ALDH8A1: variants seen among roughly 807,000 people sequenced by gnomAD.
ALDH8A1 encodes the protein aldehyde dehydrogenase 8 family member A1.
In ALDH8A1, 39 loss-of-function variants were observed where a neutral mutation model predicts 43.3. The observed-to-expected ratio is 0.90, with a 90% CI of 0.70 to 1.18. The LOEUF (loss-of-function observed/expected upper bound fraction) is 1.18, where lower values mean the gene tolerates loss of function less well. ALDH8A1 is among the 50% of genes most tolerant of loss of function. ALDH8A1 has a pLI of 0.00. For missense variants in ALDH8A1, 605 were observed against 622.6 expected, an observed-to-expected ratio of 0.97 and a Z score of 0.30; for synonymous variants, 233 against 243.5, an observed-to-expected ratio of 0.96 and a Z score of 0.40.
rs567148087 is a variant in ALDH8A1, at chr6:134,928,909, T to G, written c.1011+145A>C. 5.3e-4 allele frequency: 415 copies of G among 781,318 alleles called. 2 individuals carry two copies. Among genetic ancestry groups the G allele is most frequent in the Non-Finnish European group, 7.5e-4 (379 of 502,758 alleles). The allele number at this position is 781,318 out of a possible 1,614,324, so 48.4% of individuals were successfully genotyped here. ...TCATATCCACAATGTTTAGACTCTG[T>G]GTCCACAATTTCTCCCAGGTTATAA... On this transcript the variant is annotated intron_variant, in intron 6 of 6. Transcript: ENST00000265605.
intron 4 of ALDH8A1, among the ~76,000 whole-genome samples, chr6:134,934,639 T>C (rs563042191): frequency 1.3e-5 from 2 of 152,184 alleles, no homozygotes; most frequent in Admixed American, 6.5e-5. Context: ...CCACCATGTA[T>C]ATAAACGCAT....
intron 3 of ALDH8A1, among the ~76,000 whole-genome samples, chr6:134,941,803 G>A (rs1049424602): frequency 4.0e-5 from 6 of 151,872 alleles, no homozygotes; most frequent in African/African-American, 1.5e-4. Context: ...GATTACAGGC[G>A]TGAGCCACTG....
intron 1 of ALDH8A1, among the ~76,000 whole-genome samples, chr6:134,948,242 G>T (rs1320491181): frequency 6.6e-6 from 1 of 152,144 alleles, no homozygotes; most frequent in African/African-American, 2.4e-5. Flanking sequence ...GGTTACCAGA[G>T]GCTGGGAAGG....
At chr6:134,942,976 A>G (rs1216300694) in intron 2 of ALDH8A1, among the ~76,000 whole-genome samples, 1 of 152,186 alleles carries the variant, frequency 6.6e-6, no homozygotes, top group Non-Finnish European at 1.5e-5. Flanking sequence ...TACACATGTA[A>G]TGTGTATTTC....
intron 5 of ALDH8A1, 49 bp downstream of exon 5, chr6:134,932,727 A>G: frequency 6.3e-7 from 1 of 1,593,596 alleles, no homozygotes; most frequent in Non-Finnish European, 8.6e-7. Flanking sequence ...AAACAGATCC[A>G]GCTTGACAGG....
intron 1 of ALDH8A1, among the ~76,000 whole-genome samples, chr6:134,947,853 A>T (rs540151521): frequency 1.5e-3 from 171 of 111,602 alleles, no homozygotes; most frequent in East Asian, 4.9e-3. Flanking sequence ...TCAAAAAAAA[A>T]AAAATAAAAA....
At chr6:134,928,409 AT>A (rs1291250528) in intron 6 of ALDH8A1, among the ~76,000 whole-genome samples, 1 of 152,234 alleles carries the variant, frequency 6.6e-6, no homozygotes, top group Non-Finnish European at 1.5e-5. Context: ...TGGCTGGCTG[AT>A]GGGGACAAGT....
At chr6:134,933,444 TAG>T (rs776324272) in intron 4 of ALDH8A1, among the ~76,000 whole-genome samples, 16 of 152,192 alleles carry the variant, frequency 1.1e-4, no homozygotes, top group South Asian at 4.2e-4. Context: ...AAACATTAAG[TAG>T]AGAGGTGTAT....
intron 4 of ALDH8A1, among the ~76,000 whole-genome samples, chr6:134,933,853 C>T (rs1272088207): frequency 1.3e-5 from 2 of 152,022 alleles, no homozygotes; most frequent in African/African-American, 4.8e-5. Context: ...GGATTACAGG[C>T]GTGCACCATT....
At chr6:134,947,821 A>G (rs1773979181) in intron 1 of ALDH8A1, among the ~76,000 whole-genome samples, 1 of 149,382 alleles carries the variant, frequency 6.7e-6, no homozygotes, top group Admixed American at 6.7e-5. Flanking sequence ...TGCAGCCATT[A>G]TGGAAAACGC....
At chr6:134,946,135 G>C (rs1331726572) in intron 1 of ALDH8A1, among the ~76,000 whole-genome samples, 1 of 152,196 alleles carries the variant, frequency 6.6e-6, no homozygotes, top group Non-Finnish European at 1.5e-5. Flanking sequence ...TTATAGCAGT[G>C]TTAGAACGAA....
chr6:134,927,531 A>T (rs1776905869), intron 6 of ALDH8A1, among the ~76,000 whole-genome samples: 1 of 152,158 alleles, frequency 6.6e-6, no homozygotes, highest in Non-Finnish European at 1.5e-5. Flanking sequence ...ACACACACAC[A>T]CAGAGAGAGA....
intron 4 of ALDH8A1, among the ~76,000 whole-genome samples, chr6:134,937,451 T>C (rs1383209863): frequency 6.6e-6 from 1 of 152,086 alleles, no homozygotes; most frequent in Non-Finnish European, 1.5e-5. Context: ...TTTCAGCCCA[T>C]GGAGGAAAGA....
Position 134,937,220 on chromosome 6 carries a change from T to G in ALDH8A1, c.592+2046A>C, listed in dbSNP as rs4646876. Among the ~76,000 whole-genome samples the G allele has an allele frequency of 3.0e-4, 45 of 152,340 alleles. No homozygotes were observed. In the East Asian group the frequency reaches 8.7e-3, roughly 29 times the overall value. On this transcript the variant is annotated intron_variant, in intron 4 of 6. Transcript: ENST00000265605. The stretch of plus-strand genomic sequence containing the variant: ...TTTTAAAGGAAGTTTATCTGTCAAG[T>G]CTGTTTAAATGCCCAGGACTAGAGG...
intron 1 of ALDH8A1, among the ~76,000 whole-genome samples, chr6:134,949,100 T>C (rs1455527549): frequency 6.6e-6 from 1 of 152,192 alleles, no homozygotes; most frequent in African/African-American, 2.4e-5. Flanking sequence ...TATATATTTT[T>C]ATAGGAAGAC....
At position 134,943,843 on chromosome 6, in the gene ALDH8A1, C is replaced by A; in HGVS notation, c.262G>T (p.Ala88Ser). Residue 88 changes from alanine to serine, a missense_variant, in exon 2 of 7, where the codon GCC (alanine) becomes TCC (serine). Transcript: ENST00000265605. ...CCTTGGTCTTTAGACTCGGCCTGGGCAAACTCCTCCAGGGACTGCTCCAGC... is the reference window on the plus strand; with the variant it reads ...CCTTGGTCTTTAGACTCGGCCTGGGAAAACTCCTCCAGGGACTGCTCCAGC... ...DLLEQSLEEFAQAESKDQGKT... is the reference protein window; with the variant it reads ...DLLEQSLEEFSQAESKDQGKT... The A allele has an allele frequency of 6.2e-7, 1 of 1,614,200 alleles. No individual in the cohort carries two copies. Among genetic ancestry groups the A allele is most frequent in the Non-Finnish European group, 8.5e-7 (1 of 1,180,020 alleles).
intron 3 of ALDH8A1, among the ~76,000 whole-genome samples, chr6:134,940,879 A>C (rs1164522169): frequency 6.6e-6 from 1 of 152,212 alleles, no homozygotes; most frequent in African/African-American, 2.4e-5. Context: ...TCCTAGGAGG[A>C]GGTAGAGCTT....
At chr6:134,921,403 G>T (rs1258441403) in intron 6 of ALDH8A1, among the ~76,000 whole-genome samples, 1 of 152,162 alleles carries the variant, frequency 6.6e-6, no homozygotes, top group Non-Finnish European at 1.5e-5. Context: ...GAAGGACTCA[G>T]CAGGTAGAAA....
rs958959010 is a variant in ALDH8A1 at position 134,939,941 on chromosome 6, A to G, written c.443-526T>C. Among the ~76,000 whole-genome samples, 116 of 152,238 alleles carry G rather than the reference A, an allele frequency of 7.6e-4. 1 individual carries two copies. The highest frequency in any genetic ancestry group is 2.7e-3 in the African/African-American group (113 of 41,464). On this transcript the variant is annotated intron_variant, in intron 3 of 6. Transcript: ENST00000265605. ...TTTGCAGGCACATGGATGAAGGTGG[A>G]AGCCATTATCCTTAGCAAAGTAACA...
Sources: gnomAD v4.1 joint callset for allele counts (sites outside exome capture counted in the v4.1 genomes callset) on GRCh38, gnomAD v4.1.1 for gene constraint, MANE v1.5 for transcripts, NCBI Gene and HGNC (gene_info 2026-07-23, HGNC 2026-07-21) for gene names.